Variants in FGF13 observed in about 807,000 individuals in gnomAD.
FGF13 encodes fibroblast growth factor homologous factor 2.
FGF13 carries 2 observed loss-of-function variants against 19.5 expected under a neutral mutation model. The ratio of observed to expected loss-of-function variants is 0.10; its 90% CI spans 0.04 to 0.32. The LOEUF (loss-of-function observed/expected upper bound fraction) is 0.32, where lower values mean the gene tolerates loss of function less well. Ranked by LOEUF, FGF13 falls within the 10% of genes least tolerant of loss-of-function variation. The pLI is 1.00. For missense variants in FGF13, 113 were observed against 192.7 expected, an observed-to-expected ratio of 0.59 and a Z score of 2.45; for synonymous variants, 72 against 76.9, an observed-to-expected ratio of 0.94 and a Z score of 0.33.
chrX:139,048,763 G>T (rs748918432), intron 1 of FGF13, among the ~76,000 whole-genome samples: 2 of 110,574 alleles, frequency 1.8e-5, no homozygotes, highest in East Asian at 2.8e-4. Flanking sequence ...TATATATTTT[G>T]CACCAAGCCA....
intron 1 of FGF13, among the ~76,000 whole-genome samples, chrX:139,071,729 C>A (rs2092377178): frequency 9.0e-6 from 1 of 110,560 alleles, no homozygotes; most frequent in Non-Finnish European, 1.9e-5. Flanking sequence ...CTCAAAATGC[C>A]TTTATTGGCT....
At chrX:139,073,696 G>A (rs2092384000) in intron 1 of FGF13, among the ~76,000 whole-genome samples, 2 of 111,614 alleles carry the variant, frequency 1.8e-5, no homozygotes, top group South Asian at 3.7e-4. Flanking sequence ...ACCACAACAC[G>A]TATCAATCAA....
intron 1 of FGF13, among the ~76,000 whole-genome samples, chrX:138,734,184 T>C (rs1478335385): frequency 8.9e-6 from 1 of 111,951 alleles, no homozygotes; most frequent in Non-Finnish European, 1.9e-5. Flanking sequence ...TCTTCACAGC[T>C]TGTATGCAAT....
chrX:138,727,223 A>G (rs539217352), intron 1 of FGF13, among the ~76,000 whole-genome samples: 1 of 109,652 alleles, frequency 9.1e-6, no homozygotes, highest in South Asian at 4.0e-4. Context: ...AAATATCTAG[A>G]AGGGTTAGTA....
chrX:139,038,875 T>C (rs904486563), intron 1 of FGF13, among the ~76,000 whole-genome samples: 1 of 112,203 alleles, frequency 8.9e-6, no homozygotes, highest in Admixed American at 9.5e-5. Flanking sequence ...AAAAATTTGG[T>C]AGTGAGCAAA....
At chrX:138,803,154 T>C (rs943087231) in intron 3 of FGF13, among the ~76,000 whole-genome samples, 2 of 112,008 alleles carry the variant, frequency 1.8e-5, no homozygotes, top group Non-Finnish European at 3.8e-5. Context: ...CTTATTATAG[T>C]GTATCTATCT....
chrX:138,895,508 T>G lies in FGF13; in HGVS notation c.-112-30858A>C, dbSNP rs141853454. On this transcript the variant is annotated intron_variant, in intron 1 of 2. Coordinates refer to the FGF13 transcript ENST00000421460. ...CATAATGAGGTAATCACCTCACATC[T>G]GTTAGGATGGTCATTATCACATAGA... Among the ~76,000 whole-genome samples the G allele has an allele frequency of 7.9e-4, 88 of 111,937 alleles. No individual in the cohort carries two copies. In the East Asian group the frequency reaches 0.018, roughly 22 times the overall value.
intron 1 of FGF13, among the ~76,000 whole-genome samples, chrX:139,110,072 G>A (rs1001959051): frequency 4.5e-5 from 5 of 110,368 alleles, no homozygotes; most frequent in African/African-American, 1.6e-4. Context: ...CTAAAAAATG[G>A]GAACAATTTT....
intron 1 of FGF13, among the ~76,000 whole-genome samples, chrX:139,124,943 C>T (rs1167204037): frequency 4.5e-5 from 5 of 111,584 alleles, no homozygotes; most frequent in African/African-American, 1.3e-4. Flanking sequence ...GAAGAGGGTG[C>T]GACTGCTAAC....
intron 1 of FGF13, among the ~76,000 whole-genome samples, chrX:138,937,905 C>T (rs2091739909): frequency 9.0e-6 from 1 of 111,375 alleles, no homozygotes; most frequent in Non-Finnish European, 1.9e-5. Flanking sequence ...AAGATTAAAG[C>T]ATGGGGAGTA....
At chrX:139,174,185 C>T (rs2084159246) in intron 1 of FGF13, among the ~76,000 whole-genome samples, 1 of 112,581 alleles carries the variant, frequency 8.9e-6, no homozygotes, top group South Asian at 3.7e-4. Context: ...TGTTTGTTGG[C>T]CACATAAATG....
downstream of FGF13, among the ~76,000 whole-genome samples, chrX:138,855,962 C>CTGTGTGTGTG (rs35763167): frequency 6.4e-4 from 65 of 101,334 alleles, no homozygotes; most frequent in African/African-American, 2.3e-3. Context: ...AGTACAAAAA[C>CTGTGTGTGTG]TGTGTGTGTG....
intron 1 of FGF13, among the ~76,000 whole-genome samples, chrX:138,929,892 G>A (rs1036527166): frequency 1.9e-5 from 2 of 106,094 alleles, no homozygotes; most frequent in South Asian, 8.2e-4. Context: ...GTGTGTGTGT[G>A]TGTGTGTGTG....
intron 1 of FGF13, among the ~76,000 whole-genome samples, chrX:139,064,546 G>A (rs1160091842): frequency 9.1e-6 from 1 of 110,429 alleles, no homozygotes; most frequent in Non-Finnish European, 1.9e-5. Context: ...ATAGAGCAGA[G>A]TTCTTTATAA....
intron 1 of FGF13, among the ~76,000 whole-genome samples, chrX:138,934,721 A>G (rs1207640277): frequency 8.9e-6 from 1 of 112,373 alleles, no homozygotes; most frequent in African/African-American, 3.2e-5. Flanking sequence ...GGCCCAAGCC[A>G]GTCCATCATA....
At chrX:138,866,490 A>C (rs1342237178) in intron 1 of FGF13, among the ~76,000 whole-genome samples, 1 of 111,676 alleles carries the variant, frequency 9.0e-6, no homozygotes, top group Non-Finnish European at 1.9e-5. Context: ...GGTTTCAAAA[A>C]CCTTGGGCGA....
intron 3 of FGF13, among the ~76,000 whole-genome samples, chrX:138,822,376 C>G (rs1176666217): frequency 1.8e-5 from 2 of 111,897 alleles, no homozygotes; most frequent in Non-Finnish European, 3.8e-5. Flanking sequence ...CCAAAAGCTA[C>G]CTGGGTTCAC....
At chrX:139,200,712 G>C (rs755345023) in intron 1 of FGF13, among the ~76,000 whole-genome samples, 1 of 112,519 alleles carries the variant, frequency 8.9e-6, no homozygotes, top group African/African-American at 3.2e-5. Context: ...CAAACCTAAA[G>C]ACAGTTTTGA....
At chrX:138,769,156 T>C (rs142509808) in intron 3 of FGF13, among the ~76,000 whole-genome samples, 360 of 111,843 alleles carry the variant, frequency 3.2e-3, no homozygotes, top group African/African-American at 0.011. Flanking sequence ...TGGATCCTAT[T>C]TAATGGTAGT....
Sources: allele counts gnomAD v4.1 joint callset (sites outside exome capture counted in the v4.1 genomes callset), GRCh38; gene constraint gnomAD v4.1.1; transcripts MANE v1.5; gene names NCBI Gene and HGNC (gene_info 2026-07-23, HGNC 2026-07-21).